The following NCK2 variants were observed in gnomAD, a reference collection of about 807,000 sequenced individuals.
NCK2 encodes the protein NCK adaptor protein 2, also known as cytoplasmic protein NCK2.
In NCK2, 16 loss-of-function variants were observed where a neutral mutation model predicts 33.9. The observed-to-expected ratio is 0.47, with a 90% CI of 0.32 to 0.72. The LOEUF (loss-of-function observed/expected upper bound fraction) is 0.72, where lower values mean the gene tolerates loss of function less well. NCK2 is among the 30% of genes least tolerant of loss of function. The pLI is 0.03. For missense variants in NCK2, 418 were observed against 537.3 expected (o/e 0.78, Z 2.19); for synonymous variants, 273 against 239.9 (o/e 1.14, Z -1.27).
chr2:105,847,677 G>T (rs1383878900), intron 2 of NCK2, among the ~76,000 whole-genome samples: 1 of 152,094 alleles, frequency 6.6e-6, no homozygotes, highest in East Asian at 1.9e-4. Flanking sequence ...AGAGGGAGGA[G>T]AATTCACTGG....
chr2:105,759,738 G>A (rs529041251), intron 1 of NCK2, among the ~76,000 whole-genome samples: 4 of 152,218 alleles, frequency 2.6e-5, no homozygotes, highest in East Asian at 1.9e-4. Context: ...TTTAGTCTCC[G>A]TAGCGCCTCT....
chr2:105,755,342 T>C (rs1018039792), intron 1 of NCK2, among the ~76,000 whole-genome samples: 4 of 152,156 alleles, frequency 2.6e-5, no homozygotes, highest in Non-Finnish European at 5.9e-5. Context: ...CTTTGCTGGG[T>C]AGAACTAAAG....
chr2:105,830,802 T>A (rs1361256059), intron 2 of NCK2, among the ~76,000 whole-genome samples: 2 of 151,560 alleles, frequency 1.3e-5, no homozygotes, highest in Non-Finnish European at 2.9e-5. Flanking sequence ...ATATTGAGCA[T>A]TTTTTTTGCT....
intron 4 of NCK2, among the ~76,000 whole-genome samples, chr2:105,886,516 T>C (rs368661979): frequency 1.2e-4 from 19 of 152,238 alleles, no homozygotes; most frequent in African/African-American, 2.4e-4. Context: ...TGAGTCCTTT[T>C]TTTGTTCCAA....
chr2:105,837,433 G>T (rs1166040683), intron 2 of NCK2, among the ~76,000 whole-genome samples: 1 of 152,164 alleles, frequency 6.6e-6, no homozygotes, highest in Non-Finnish European at 1.5e-5. Context: ...GTGTGATTGT[G>T]TGGGGAGTGG....
intron 2 of NCK2, among the ~76,000 whole-genome samples, chr2:105,838,160 G>A (rs540937892): frequency 3.3e-5 from 5 of 151,108 alleles, no homozygotes; most frequent in Non-Finnish European, 5.9e-5. Flanking sequence ...GCATTTTCAA[G>A]TCACAAGAAA....
At chr2:105,762,779 C>T (rs1471938471) in intron 1 of NCK2, among the ~76,000 whole-genome samples, 1 of 152,206 alleles carries the variant, frequency 6.6e-6, no homozygotes, top group Non-Finnish European at 1.5e-5. Flanking sequence ...ATTAGCACTG[C>T]TGCTACCCTC....
intron 2 of NCK2, among the ~76,000 whole-genome samples, chr2:105,838,472 A>T (rs1573184158): frequency 6.6e-6 from 1 of 152,190 alleles, no homozygotes; most frequent in African/African-American, 2.4e-5. Context: ...TTTCATGAAT[A>T]TTTATGTATA....
At chr2:105,754,729 A>G (rs1451168303) in intron 1 of NCK2, among the ~76,000 whole-genome samples, 1 of 151,030 alleles carries the variant, frequency 6.6e-6, no homozygotes, top group East Asian at 1.9e-4. Flanking sequence ...CAGCTTGGAG[A>G]CATTGACATA....
intron 1 of NCK2, among the ~76,000 whole-genome samples, chr2:105,798,297 C>T (rs560081312): frequency 2.6e-5 from 4 of 152,244 alleles, no homozygotes; most frequent in East Asian, 3.9e-4. Context: ...CCTGGGAGCC[C>T]GGATAGCCTC....
chr2:105,765,156 A>G (rs943324024), intron 1 of NCK2, among the ~76,000 whole-genome samples: 2 of 152,152 alleles, frequency 1.3e-5, no homozygotes, highest in Non-Finnish European at 2.9e-5. Context: ...GTGTGGAAGT[A>G]TCAATTTCAC....
intron 1 of NCK2, among the ~76,000 whole-genome samples, chr2:105,759,324 A>G (rs1164323741): frequency 6.6e-6 from 1 of 152,256 alleles, no homozygotes; most frequent in Non-Finnish European, 1.5e-5. Flanking sequence ...CATTTCAGCC[A>G]TGTAATACCC....
intron 1 of NCK2, among the ~76,000 whole-genome samples, chr2:105,810,277 C>T (rs372358059): frequency 9.2e-5 from 14 of 152,026 alleles, no homozygotes; most frequent in African/African-American, 2.7e-4. Flanking sequence ...CCTTCTGGCC[C>T]GCTTCTTAAG....
At chr2:105,751,022 TG>T (rs1277937303) in intron 1 of NCK2, among the ~76,000 whole-genome samples, 1 of 152,206 alleles carries the variant, frequency 6.6e-6, no homozygotes, top group Non-Finnish European at 1.5e-5. Flanking sequence ...CATTTTGCCT[TG>T]TTCAGACATA....
At chr2:105,800,744 G>C (rs1302567631) in intron 1 of NCK2, among the ~76,000 whole-genome samples, 1 of 152,158 alleles carries the variant, frequency 6.6e-6, no homozygotes, top group South Asian at 2.1e-4. Flanking sequence ...ATGAACGTCT[G>C]TGTTTTGTTT....
rs1434349734 is a variant in NCK2 at position 105,767,530 on chromosome 2, T to A, written c.-201+22392T>A. 3.3e-5 allele frequency among the ~76,000 whole-genome samples: 5 copies of A among 152,224 alleles called. No individual in the cohort carries two copies. In the East Asian group the frequency reaches 9.6e-4, roughly 29 times the overall value. ...ACCAAATCCAGTTCACCTGTTTGGG[T>A]GTGAATACAGTTTTATTAGAACCCA... On this transcript the variant is annotated intron_variant, in intron 1 of 4. Coordinates refer to ENST00000233154, the MANE Select transcript of NCK2 (RefSeq NM_003581.5).
intron 2 of NCK2, among the ~76,000 whole-genome samples, chr2:105,826,623 A>T (rs116022521): frequency 1.9e-3 from 292 of 152,292 alleles, no homozygotes; most frequent in African/African-American, 6.8e-3. Flanking sequence ...AATGGATTGC[A>T]TGGTAAAGGG....
intron 1 of NCK2, among the ~76,000 whole-genome samples, chr2:105,816,149 AT>A (rs2104482307): frequency 6.6e-6 from 1 of 152,316 alleles, no homozygotes; most frequent in East Asian, 1.9e-4. Flanking sequence ...TGGTTTCAAA[AT>A]ACATAAAATT....
At position 105,744,950 on chromosome 2, in the gene NCK2, G is replaced by C. The variant is rs945471855; in HGVS notation, c.-389G>C. On this transcript the variant is annotated 5_prime_UTR_variant, in exon 1 of 5. Transcript: ENST00000233154. Reference sequence around the variant, plus strand: ...GCGGCCGAGCGGGCGGCGGGCGGAGGGGAGGGCTTGGCGGCCGGGAGGCTC... The same window carrying C: ...GCGGCCGAGCGGGCGGCGGGCGGAGCGGAGGGCTTGGCGGCCGGGAGGCTC... 3 of 146,012 alleles carry C rather than the reference G, an allele frequency of 2.1e-5. No individual in the cohort carries two copies. Among genetic ancestry groups the C allele is most frequent in the African/African-American group, 7.4e-5 (3 of 40,780 alleles). 9.0% of individuals were successfully genotyped at this position (146,012 alleles called of 1,614,324 possible). A position where few individuals can be genotyped will look rare whatever the true frequency, so the allele number is the denominator to read the frequency against.
Sources: allele counts gnomAD v4.1 joint callset (sites outside exome capture counted in the v4.1 genomes callset), GRCh38; gene constraint gnomAD v4.1.1; transcripts MANE v1.5; gene names NCBI Gene and HGNC (gene_info 2026-07-23, HGNC 2026-07-21).